The following RBPMS variants were observed in gnomAD, a reference collection of about 807,000 sequenced individuals.
RBPMS encodes the protein RNA-binding protein with multiple splicing.
RBPMS carries 7 observed loss-of-function variants against 26.8 expected under a neutral mutation model. The observed-to-expected ratio is 0.26, with a 90% CI of 0.15 to 0.49. RBPMS has a LOEUF of 0.49. Among genes scored for constraint, RBPMS ranks in the 20% least tolerant of loss-of-function variants. The pLI is 0.98. For synonymous variants in RBPMS, 96 were observed against 93.3 expected, an observed-to-expected ratio of 1.03 and a Z score of -0.17; for missense variants, 186 against 250.0, an observed-to-expected ratio of 0.74 and a Z score of 1.73.
intron 1 of RBPMS, among the ~76,000 whole-genome samples, chr8:30,426,600 A>G (rs1472290616): frequency 6.6e-6 from 1 of 152,190 alleles, no homozygotes; most frequent in African/African-American, 2.4e-5. Context: ...GGCTGAGGTT[A>G]AAGTGTTTGT....
Position 30,544,633 on chromosome 8 carries a change from T to TA in RBPMS, c.528+10dup. 6.2e-7 allele frequency: 1 copy of TA among 1,613,838 alleles called. No individual in the cohort carries two copies. The highest frequency in any genetic ancestry group is 8.5e-7 in the Non-Finnish European group (1 of 1,180,038). ...CTTCACTGCATGCCCAGGTAATTGATACCCATCGGCCAGGACTTCACTCAC... is the reference window on the plus strand; with the variant it reads ...CTTCACTGCATGCCCAGGTAATTGATAACCCATCGGCCAGGACTTCACTCAC... On this transcript the variant is annotated intron_variant, in intron 6 of 8. Transcript: ENST00000397323.
chr8:30,393,061 G>T (rs1807975326), intron 1 of RBPMS, among the ~76,000 whole-genome samples: 2 of 152,112 alleles, frequency 1.3e-5, no homozygotes, highest in South Asian at 4.1e-4. Flanking sequence ...ATGTTAAAAA[G>T]TGTTTGGGAA....
At chr8:30,492,344 A>G (rs16877085) in intron 4 of RBPMS, among the ~76,000 whole-genome samples, 2,146 of 152,326 alleles carry the variant, frequency 0.014, 44 homozygotes, top group African/African-American at 0.048. Context: ...TATTAGATGC[A>G]AAAGTAGGTT....
intron 7 of RBPMS, among the ~76,000 whole-genome samples, chr8:30,560,434 GC>G (rs1827363609): frequency 6.6e-6 from 1 of 152,154 alleles, no homozygotes; most frequent in Non-Finnish European, 1.5e-5. Context: ...TCATAGCCCA[GC>G]AGCCACCTGG....
At chr8:30,430,002 C>T (rs766217978) in intron 1 of RBPMS, among the ~76,000 whole-genome samples, 1 of 152,142 alleles carries the variant, frequency 6.6e-6, no homozygotes, top group Non-Finnish European at 1.5e-5. Flanking sequence ...TCTGGCCCGG[C>T]GCAGGGGCTC....
chr8:30,410,718 CT>C (rs33979972), intron 1 of RBPMS, among the ~76,000 whole-genome samples: 21,532 of 131,714 alleles, frequency 0.16, 3,060 homozygotes, highest in African/African-American at 0.43. Flanking sequence ...TTCTTTTTTC[CT>C]TTTTTTTTTT....
At chr8:30,481,511 T>C (rs1818272131) in intron 4 of RBPMS, among the ~76,000 whole-genome samples, 1 of 152,124 alleles carries the variant, frequency 6.6e-6, no homozygotes, top group African/African-American at 2.4e-5. Context: ...TGAGGTCTGG[T>C]TTTAGGTTAT....
intron 1 of RBPMS, among the ~76,000 whole-genome samples, chr8:30,413,078 T>C (rs1401669893): frequency 1.3e-5 from 2 of 152,056 alleles, no homozygotes; most frequent in African/African-American, 2.4e-5. Context: ...GACATTGTTT[T>C]TGTTTGTTTG....
At chr8:30,558,423 A>T (rs533247266) in intron 6 of RBPMS, 1 of 209,452 alleles carries the variant, frequency 4.8e-6, no homozygotes, top group Admixed American at 5.3e-5. Context: ...ACAGGAATAG[A>T]ATCGCAAAGT....
At chr8:30,561,098 G>A (rs1295509862) in intron 7 of RBPMS, among the ~76,000 whole-genome samples, 2 of 152,096 alleles carry the variant, frequency 1.3e-5, no homozygotes, top group African/African-American at 4.8e-5. Context: ...AACAATTCAT[G>A]ATAGATAAAA....
chr8:30,549,469 C>T (rs1482640095), intron 6 of RBPMS: 1 of 1,569,046 alleles, frequency 6.4e-7, no homozygotes. Context: ...TGTTAATCCT[C>T]TGACATTTAC....
intron 1 of RBPMS, among the ~76,000 whole-genome samples, chr8:30,433,532 TGTG>T (rs1386450297): frequency 1.3e-5 from 2 of 152,022 alleles, no homozygotes; most frequent in Non-Finnish European, 2.9e-5. Context: ...ATTAACCAGG[TGTG>T]GTGGTGAATG....
In RBPMS at chr8:30,525,330, T is replaced by C. The variant is rs576809026; in HGVS notation, c.398-19164T>C. Among the ~76,000 whole-genome samples the C allele has an allele frequency of 2.0e-5, 3 of 152,298 alleles. No homozygotes were observed. In the South Asian group the frequency reaches 6.2e-4, roughly 32 times the overall value. On this transcript the variant is annotated intron_variant, in intron 5 of 8. Transcript: ENST00000397323. Reference sequence around the variant, plus strand: ...TGATTCTTTTAACAAATATTTTAAATCATATAATCATTTTTCCACTTGACC... The same window carrying C: ...TGATTCTTTTAACAAATATTTTAAACCATATAATCATTTTTCCACTTGACC...
intron 4 of RBPMS, among the ~76,000 whole-genome samples, chr8:30,486,700 GTAGCATCCTTTCCCTGGAGAAT>G (rs1361586367): frequency 6.6e-6 from 1 of 152,150 alleles, no homozygotes; most frequent in African/African-American, 2.4e-5. Context: ...GGAAATTTTA[GTAGCATCCTTTCCCTGGAGAAT>G]TAGGGAGGAA....
rs148779790 is a variant in RBPMS at position 30,531,046 on chromosome 8, C to T, written c.398-13448C>T. 2.6e-3 allele frequency among the ~76,000 whole-genome samples: 400 copies of T among 151,800 alleles called. 6 individuals are homozygous for T. The highest frequency in any genetic ancestry group is 3.2e-3 in the African/African-American group (132 of 41,362). ...TCCATCTTTATAGACAGGTCTTTTACGTTACTATTTTCGGTGGCTATAATA... is the reference window on the plus strand; with the variant it reads ...TCCATCTTTATAGACAGGTCTTTTATGTTACTATTTTCGGTGGCTATAATA... On this transcript the variant is annotated intron_variant, in intron 5 of 8. Coordinates refer to ENST00000397323, the MANE Select transcript of RBPMS (RefSeq NM_001008710.3).
intron 6 of RBPMS, among the ~76,000 whole-genome samples, chr8:30,557,209 C>T (rs1375412619): frequency 3.9e-5 from 6 of 152,200 alleles, no homozygotes; most frequent in African/African-American, 7.2e-5. Context: ...GCAGAAGCTC[C>T]GGTATGTCCT....
At chr8:30,508,904 G>A (rs1196304543) in intron 5 of RBPMS, among the ~76,000 whole-genome samples, 1 of 152,004 alleles carries the variant, frequency 6.6e-6, no homozygotes, top group Non-Finnish European at 1.5e-5. Flanking sequence ...AAAGGTGGAG[G>A]CATTCAACAC....
intron 1 of RBPMS, among the ~76,000 whole-genome samples, chr8:30,423,817 G>T (rs1302738524): frequency 7.4e-5 from 4 of 53,712 alleles, no homozygotes; most frequent in African/African-American, 5.7e-4. Flanking sequence ...ATCTGGATGG[G>T]TTTTTTGTTT....
At chr8:30,513,033 TAGTG>T (rs1287890575) in intron 5 of RBPMS, among the ~76,000 whole-genome samples, 1 of 139,170 alleles carries the variant, frequency 7.2e-6, no homozygotes, top group East Asian at 2.5e-4. Flanking sequence ...GAAGAGGTGG[TAGTG>T]AGGGCACACG....
Sources: allele counts gnomAD v4.1 joint callset (sites outside exome capture counted in the v4.1 genomes callset), GRCh38; gene constraint gnomAD v4.1.1; transcripts MANE v1.5; gene names NCBI Gene and HGNC (gene_info 2026-07-23, HGNC 2026-07-21).